Variants in MTUS2 observed in about 807,000 individuals in gnomAD.
MTUS2 encodes the protein microtubule-associated tumor suppressor candidate 2.
MTUS2 carries 40 observed loss-of-function variants against 114.1 expected under a neutral mutation model. The ratio of observed to expected loss-of-function variants is 0.35; its 90% CI spans 0.27 to 0.46. The LOEUF is 0.46. Ranked by LOEUF, MTUS2 falls within the 20% of genes least tolerant of loss-of-function variation. MTUS2 has a pLI of 1.00. For missense variants in MTUS2, 1,679 were observed against 1,705.4 expected (o/e 0.98, Z 0.27); for synonymous variants, 688 against 672.0 (o/e 1.02, Z -0.37).
chr13:28,953,991 G>C (rs796129220), intron 2 of MTUS2, among the ~76,000 whole-genome samples: 8 of 152,300 alleles, frequency 5.3e-5, no homozygotes, highest in African/African-American at 1.7e-4. Flanking sequence ...ATAGACAAAT[G>C]TGTCAATGGA....
chr13:29,323,319 G>C (rs527391840), intron 6 of MTUS2, among the ~76,000 whole-genome samples: 321 of 151,198 alleles, frequency 2.1e-3, no homozygotes, highest in Non-Finnish European at 4.0e-3. Context: ...GCGTGATCTC[G>C]GCTCACTGCA....
At chr13:29,279,022 A>G (rs572461679) in intron 5 of MTUS2, among the ~76,000 whole-genome samples, 1 of 152,320 alleles carries the variant, frequency 6.6e-6, no homozygotes, top group Admixed American at 6.5e-5. Flanking sequence ...ATGTACATTA[A>G]TAACTAACAC....
At chr13:28,953,646 G>A (rs574026541) in intron 2 of MTUS2, among the ~76,000 whole-genome samples, 24 of 152,226 alleles carry the variant, frequency 1.6e-4, no homozygotes, top group Non-Finnish European at 2.8e-4. Flanking sequence ...AGCCAAATAT[G>A]TATCTTTAGT....
chr13:29,319,576 G>A (rs1900166282), intron 6 of MTUS2, among the ~76,000 whole-genome samples: 1 of 152,168 alleles, frequency 6.6e-6, no homozygotes, highest in Non-Finnish European at 1.5e-5. Context: ...CTCAAGCCAG[G>A]ATACTGTGTA....
chr13:29,038,864 A>G (rs193292403), intron 4 of MTUS2, among the ~76,000 whole-genome samples: 20 of 152,332 alleles, frequency 1.3e-4, no homozygotes, highest in Non-Finnish European at 2.6e-4. Context: ...CACCTACTCA[A>G]GCCTCAGGAA....
chr13:29,106,194 G>A (rs771733996), intron 5 of MTUS2, among the ~76,000 whole-genome samples: 68 of 152,168 alleles, frequency 4.5e-4, no homozygotes, highest in Non-Finnish European at 8.7e-4. Context: ...GAGCCATCAA[G>A]TATCTCTAAC....
chr13:29,330,627 G>A (rs929630574), intron 7 of MTUS2, among the ~76,000 whole-genome samples: 5 of 152,068 alleles, frequency 3.3e-5, no homozygotes, highest in Admixed American at 6.5e-5. Context: ...GTAAGGAAGG[G>A]GTCCAGTTTT....
At chr13:29,216,750 A>T (rs1895698587) in intron 5 of MTUS2, among the ~76,000 whole-genome samples, 1 of 152,204 alleles carries the variant, frequency 6.6e-6, no homozygotes, top group African/African-American at 2.4e-5. Context: ...TGCAGAAATC[A>T]CTGGCCTTCT....
chr13:28,891,418 T>G (rs1878914890), intron 2 of MTUS2, among the ~76,000 whole-genome samples: 1 of 152,188 alleles, frequency 6.6e-6, no homozygotes, highest in African/African-American at 2.4e-5. Flanking sequence ...ATGTATTGCC[T>G]ATTCAAAAAA....
At chr13:29,255,530 A>T (rs1191462650) in intron 5 of MTUS2, among the ~76,000 whole-genome samples, 4 of 152,236 alleles carry the variant, frequency 2.6e-5, no homozygotes, top group African/African-American at 9.6e-5. Context: ...AAGACTAAGT[A>T]ACACTGTAAG....
At chr13:29,253,111 G>A (rs2077034924) in intron 5 of MTUS2, among the ~76,000 whole-genome samples, 1 of 147,886 alleles carries the variant, frequency 6.8e-6, no homozygotes, top group African/African-American at 2.5e-5. Flanking sequence ...GCCTCATCCT[G>A]GGTTATTTTC....
intron 8 of MTUS2, among the ~76,000 whole-genome samples, chr13:29,398,767 A>G (rs1417356939): frequency 6.6e-6 from 1 of 152,184 alleles, no homozygotes; most frequent in Non-Finnish European, 1.5e-5. Flanking sequence ...CAAAACACAC[A>G]CACAACCCAC....
intron 9 of MTUS2, among the ~76,000 whole-genome samples, chr13:29,473,806 G>C (rs1483070449): frequency 6.6e-6 from 1 of 152,084 alleles, no homozygotes; most frequent in Non-Finnish European, 1.5e-5. Context: ...AGATTGTAGG[G>C]GTTTATGATA....
rs572901942 is a variant in MTUS2 at position 28,894,659 on chromosome 13, C to T, written c.-243+54809C>T. 5.3e-5 allele frequency among the ~76,000 whole-genome samples: 8 copies of T among 152,282 alleles called. No homozygotes were observed. The South Asian group carries it at 1.7e-3, about 32-fold the overall frequency. Reference sequence around the variant, plus strand: ...GTGTTTATTACATAGAAATGCTATACCATTCCTTAGACTGTATTATGTAAT... The same window carrying T: ...GTGTTTATTACATAGAAATGCTATATCATTCCTTAGACTGTATTATGTAAT... On this transcript the variant is annotated intron_variant, in intron 2 of 15. Coordinates refer to ENST00000612955, the MANE Select transcript of MTUS2 (RefSeq NM_001033602.4).
At position 29,100,938 on chromosome 13, in the gene MTUS2, G is replaced by A; in HGVS notation, c.2612G>A (p.Ser871Asn). Residue 871 changes from serine to asparagine, a missense_variant, in exon 5 of 16, where the codon AGT becomes AAT. Ser to Asn is a conservative substitution (Grantham distance 46). Around this residue, in one of 3 missense-constraint regions of MTUS2, gnomAD observed 822 missense variants for 899.7 expected, o/e 0.91. Transcript: ENST00000612955. The stretch of plus-strand genomic sequence containing the variant: ...GTCTCCAGCACCCAGTCCGGGGACA[G>A]TGCACAGCCAGAGCAGGGCCGGCCA... ...SSVSSTQSGDSAQPEQGRPAT... is the reference protein window; with the variant it reads ...SSVSSTQSGDNAQPEQGRPAT... The A allele has an allele frequency of 6.3e-7, 1 of 1,575,908 alleles. No homozygotes were observed. The highest frequency in any genetic ancestry group is 1.2e-5 in the South Asian group (1 of 85,768).
At chr13:29,141,415 G>C (rs1157079250) in intron 5 of MTUS2, among the ~76,000 whole-genome samples, 1 of 152,054 alleles carries the variant, frequency 6.6e-6, no homozygotes, top group Non-Finnish European at 1.5e-5. Context: ...GGACGTTTTC[G>C]GGCAGAAGTT....
intron 6 of MTUS2, among the ~76,000 whole-genome samples, chr13:29,294,137 C>A (rs1451306025): frequency 6.6e-6 from 1 of 151,914 alleles, no homozygotes; most frequent in Non-Finnish European, 1.5e-5. Flanking sequence ...AAAAATGAAA[C>A]AAAAATATCT....
intron 2 of MTUS2, among the ~76,000 whole-genome samples, chr13:28,876,042 A>G (rs1877908060): frequency 6.6e-6 from 1 of 152,244 alleles, no homozygotes; most frequent in African/African-American, 2.4e-5. Flanking sequence ...TAGCTGAAAC[A>G]TGACTCTCTG....
intron 1 of MTUS2, among the ~76,000 whole-genome samples, chr13:28,837,813 A>G (rs1875197938): frequency 6.6e-6 from 1 of 151,964 alleles, no homozygotes; most frequent in Non-Finnish European, 1.5e-5. Context: ...TGGTACATTT[A>G]CCTTCAACCC....
Sources: allele counts gnomAD v4.1 joint callset (sites outside exome capture counted in the v4.1 genomes callset), GRCh38; gene constraint gnomAD v4.1.1; regional missense constraint gnomAD v4.1.1; transcripts MANE v1.5; gene names NCBI Gene and HGNC (gene_info 2026-07-23, HGNC 2026-07-21).